The following ERI1 variants were observed in gnomAD, a reference collection of about 807,000 sequenced individuals.
ERI1 encodes the protein 3'-5' exoribonuclease 1.
A neutral mutation model predicts 39.7 loss-of-function variants in ERI1; 39 were observed. The ratio of observed to expected loss-of-function variants is 0.98; its 90% confidence interval spans 0.76 to 1.28. ERI1 has a LOEUF of 1.28. ERI1 is among the 50% of genes most tolerant of loss of function. The pLI is 0.00. For missense variants in ERI1, 581 were observed against 416.9 expected (o/e 1.39, Z -3.43); for synonymous variants, 204 against 149.6 (o/e 1.36, Z -2.65).
In ERI1 at chr8:9,052,486, G is replaced by A. The variant is rs183174296; in HGVS notation, n.299+32022G>A. ...GTCTCTGGGATTCTGGCAAGGTACC[G>A]TCACTGACACCAGCAGCATTCTGGG... On this transcript the variant is annotated intron_variant and non_coding_transcript_variant, in intron 3 of 3. Transcript: ENST00000518663. Among the ~76,000 whole-genome samples the A allele has an allele frequency of 1.5e-3, 227 of 152,252 alleles. 1 individual carries two copies. Among genetic ancestry groups the A allele is most frequent in the Middle Eastern group, 6.8e-3 (2 of 294 alleles).
At position 9,045,414 on chromosome 8, in the gene ERI1, C is replaced by T. The variant is rs572862723; in HGVS notation, n.299+24950C>T. ...TCCAGCTGTATAGGTCTAGCCTCCA[C>T]GAATAGATAGCTTAATAGGCAGGCT... On this transcript the variant is annotated intron_variant and non_coding_transcript_variant, in intron 3 of 3. Transcript: ENST00000518663. Among the ~76,000 whole-genome samples the T allele has an allele frequency of 2.6e-5, 4 of 152,098 alleles. No individual in the cohort carries two copies. The South Asian group carries it at 6.2e-4, about 24-fold the overall frequency.
chr8:9,074,827 T>C (rs1285354751), intron 3 of ERI1, among the ~76,000 whole-genome samples: 1 of 152,196 alleles, frequency 6.6e-6, no homozygotes, highest in African/African-American at 2.4e-5. Context: ...CCTTAATTAA[T>C]AGAGCACATC....
chr8:9,086,437 C>G (rs979614930), intron 3 of ERI1, among the ~76,000 whole-genome samples: 5 of 152,164 alleles, frequency 3.3e-5, no homozygotes, highest in Admixed American at 6.5e-5. Context: ...GTAGTCCCAG[C>G]TACTCTGGAG....
intron 1 of ERI1, among the ~76,000 whole-genome samples, chr8:9,007,368 A>C (rs1366313846): frequency 6.6e-6 from 1 of 152,208 alleles, no homozygotes; most frequent in African/African-American, 2.4e-5. Flanking sequence ...AGTCAGGTTA[A>C]AAAATTATCA....
intron 3 of ERI1, chr8:9,072,624 C>G (rs1052980374): frequency 2.7e-5 from 4 of 150,862 alleles, no homozygotes; most frequent in African/African-American, 9.9e-5. Flanking sequence ...TATGTTCTTT[C>G]TTTAAAAAAA....
At chr8:9,063,376 A>G (rs1040190592) in intron 3 of ERI1, among the ~76,000 whole-genome samples, 1 of 152,146 alleles carries the variant, frequency 6.6e-6, no homozygotes, top group Non-Finnish European at 1.5e-5. Flanking sequence ...CACCTTTTTA[A>G]GAGGAAATTG....
intron 3 of ERI1, among the ~76,000 whole-genome samples, chr8:9,038,800 T>A (rs1472001604): frequency 1.3e-5 from 2 of 152,248 alleles, no homozygotes; most frequent in Non-Finnish European, 2.9e-5. Flanking sequence ...TATATTAAAA[T>A]TTTTGGAAAT....
rs1176187963 is a variant in ERI1 at position 9,030,984 on chromosome 8, A to G, written c.*950A>G. Reference sequence around the variant, plus strand: ...ATAAAAGACTTGTTTTTCTGATTTTACATAGTAAATGGCTGCTAAGTATTG... The same window carrying G: ...ATAAAAGACTTGTTTTTCTGATTTTGCATAGTAAATGGCTGCTAAGTATTG... On this transcript the variant is annotated 3_prime_UTR_variant, in exon 7 of 7. Coordinates refer to ENST00000250263, the MANE Select transcript of ERI1 (RefSeq NM_153332.4). 1.3e-5 allele frequency: 2 copies of G among 152,232 alleles called. No individual in the cohort carries two copies. The highest frequency in any genetic ancestry group is 4.8e-5 in the African/African-American group (2 of 41,476). 9.4% of individuals were successfully genotyped at this position (152,232 alleles called of 1,614,324 possible).
intron 3 of ERI1, among the ~76,000 whole-genome samples, chr8:9,038,725 C>T (rs150351210): frequency 4.3e-4 from 65 of 152,184 alleles, no homozygotes; most frequent in African/African-American, 1.4e-3. Context: ...TTATTGTGAC[C>T]GTAAGGATGT....
intron 3 of ERI1, among the ~76,000 whole-genome samples, chr8:9,062,248 G>A (rs1056927076): frequency 9.9e-5 from 15 of 152,012 alleles, no homozygotes; most frequent in African/African-American, 2.7e-4. Flanking sequence ...ATGATCAGTC[G>A]CCAAGGAGGG....
chr8:9,027,074 T>A (rs1797218403), intron 6 of ERI1, among the ~76,000 whole-genome samples: 1 of 152,028 alleles, frequency 6.6e-6, no homozygotes, highest in South Asian at 2.1e-4. Flanking sequence ...CATTTTACAT[T>A]CCTGCCAGCA....
At chr8:9,003,978 C>A in intron 1 of ERI1, 1 of 780,474 alleles carries the variant, frequency 1.3e-6, no homozygotes, top group Non-Finnish European at 1.9e-6. Flanking sequence ...TGGCTTATTC[C>A]CCTCCTGAGT....
chr8:9,012,342 G>C (rs1816760130), intron 3 of ERI1, among the ~76,000 whole-genome samples: 1 of 152,198 alleles, frequency 6.6e-6, no homozygotes, highest in Admixed American at 6.5e-5. Flanking sequence ...TATTAGTTAA[G>C]AAAGTCTAGT....
intron 3 of ERI1, among the ~76,000 whole-genome samples, chr8:9,081,653 C>G (rs1232309005): frequency 6.6e-6 from 1 of 151,556 alleles, no homozygotes; most frequent in Non-Finnish European, 1.5e-5. Context: ...AAAACAACTC[C>G]CATTTCTTCC....
chr8:9,069,569 C>G (rs1169161909), intron 3 of ERI1, among the ~76,000 whole-genome samples: 1 of 152,120 alleles, frequency 6.6e-6, no homozygotes, highest in East Asian at 1.9e-4. Flanking sequence ...ATTTCTTTTG[C>G]TCAAGATGAG....
intron 6 of ERI1, among the ~76,000 whole-genome samples, chr8:9,024,840 C>G (rs979058553): frequency 6.6e-6 from 1 of 151,956 alleles, no homozygotes; most frequent in Non-Finnish European, 1.5e-5. Flanking sequence ...TTTGTCCTCC[C>G]TTTACAAATA....
chr8:9,037,436 T>G (rs1797887990), downstream of ERI1, among the ~76,000 whole-genome samples: 1 of 152,118 alleles, frequency 6.6e-6, no homozygotes, highest in Non-Finnish European at 1.5e-5. Flanking sequence ...TTCATTGCAC[T>G]TTTGTTACAT....
intron 3 of ERI1, among the ~76,000 whole-genome samples, chr8:9,049,004 G>A (rs558176512): frequency 6.6e-6 from 1 of 151,914 alleles, no homozygotes; most frequent in Non-Finnish European, 1.5e-5. Context: ...TGAGCGAGAT[G>A]TAAATGCAGC....
chr8:9,019,244 C>A (rs1817630567), intron 5 of ERI1, among the ~76,000 whole-genome samples: 1 of 152,164 alleles, frequency 6.6e-6, no homozygotes, highest in African/African-American at 2.4e-5. Context: ...AAAAGAACGT[C>A]CTAAACAACT....
Sources: gnomAD v4.1 joint callset for allele counts (sites outside exome capture counted in the v4.1 genomes callset) on GRCh38, gnomAD v4.1.1 for gene constraint, MANE v1.5 for transcripts, NCBI Gene and HGNC (gene_info 2026-07-23, HGNC 2026-07-21) for gene names.